The following CSNK1G1 variants were observed in gnomAD, a reference collection of about 807,000 sequenced individuals.
CSNK1G1 encodes the protein casein kinase 1 gamma 1.
A neutral mutation model predicts 59.6 loss-of-function variants in CSNK1G1; 22 were observed. That is an observed-to-expected ratio of 0.37 (90% CI 0.26 to 0.53). The LOEUF is 0.53. CSNK1G1 is among the 20% of genes least tolerant of loss of function. The probability of loss-of-function intolerance (pLI) is 0.89; values close to 1 mark genes in which losing one functional copy is unlikely to be tolerated. For missense variants in CSNK1G1, 384 were observed against 519.5 expected (o/e 0.74, Z 2.54); for synonymous variants, 179 against 177.1 (o/e 1.01, Z -0.08).
At chr15:64,241,793 A>G (rs752972879) in intron 4 of CSNK1G1, among the ~76,000 whole-genome samples, 1 of 151,960 alleles carries the variant, frequency 6.6e-6, no homozygotes, top group Non-Finnish European at 1.5e-5. Flanking sequence ...AATGATGCAT[A>G]TCAAGAAACT....
At chr15:64,323,445 A>C (rs1020850118) in intron 1 of CSNK1G1, among the ~76,000 whole-genome samples, 1 of 151,758 alleles carries the variant, frequency 6.6e-6, no homozygotes, top group African/African-American at 2.4e-5. Flanking sequence ...GGCTCACTGC[A>C]ACCTCTGCCT....
chr15:64,235,877 G>A (rs62021594), intron 4 of CSNK1G1, among the ~76,000 whole-genome samples: 5,140 of 152,094 alleles, frequency 0.034, 251 homozygotes, highest in African/African-American at 0.11. Flanking sequence ...ACGGTTAAGG[G>A]AAGAAAGAGA....
At position 64,203,695 on chromosome 15, in the gene CSNK1G1, A is replaced by T. The variant is rs1316933001; in HGVS notation, c.1000-506T>A. ...CTGGGCAACAAGAGTGAAACTCCGT[A>T]AAAAAAAAAAAAAAAAAAAAAAAAA... On this transcript the variant is annotated intron_variant, in intron 9 of 11. Coordinates refer to ENST00000303052, the MANE Select transcript of CSNK1G1 (RefSeq NM_022048.5). Among the ~76,000 whole-genome samples the T allele has an allele frequency of 3.8e-5, 3 of 78,632 alleles. No individual in the cohort carries two copies. In the South Asian group the frequency reaches 1.3e-3, roughly 34 times the overall value. 51.6% of individuals were successfully genotyped at this position (78,632 alleles called of 152,430 possible).
At chr15:64,294,735 AC>A (rs1192367427) in intron 2 of CSNK1G1, among the ~76,000 whole-genome samples, 1 of 150,942 alleles carries the variant, frequency 6.6e-6, no homozygotes, top group Non-Finnish European at 1.5e-5. Context: ...ACATGGTGAA[AC>A]CCCGTCTCTA....
chr15:64,265,871 G>A, intron 2 of CSNK1G1: 1 of 454,850 alleles, frequency 2.2e-6, no homozygotes, highest in Non-Finnish European at 4.4e-6. Context: ...ATCATTTCAG[G>A]CCAGGAGTTT....
At chr15:64,249,168 A>G (rs1326322562) in intron 4 of CSNK1G1, among the ~76,000 whole-genome samples, 1 of 152,270 alleles carries the variant, frequency 6.6e-6, no homozygotes, top group Non-Finnish European at 1.5e-5. Context: ...CTTGGGCCTA[A>G]TATGAAGAAC....
chr15:64,229,890 G>T (rs1312555150), intron 4 of CSNK1G1, among the ~76,000 whole-genome samples: 1 of 98,376 alleles, frequency 1.0e-5, no homozygotes, highest in Non-Finnish European at 2.2e-5. Context: ...ATATTTTTGG[G>T]CATGTTTGTA....
intron 1 of CSNK1G1, among the ~76,000 whole-genome samples, chr15:64,344,519 C>G (rs1472805141): frequency 6.6e-6 from 1 of 152,158 alleles, no homozygotes; most frequent in Non-Finnish European, 1.5e-5. Flanking sequence ...TGGCTGATTT[C>G]TATCTGGAAC....
chr15:64,189,957 T>C (rs1334630698), intron 10 of CSNK1G1, among the ~76,000 whole-genome samples: 1 of 152,040 alleles, frequency 6.6e-6, no homozygotes, highest in Non-Finnish European at 1.5e-5. Flanking sequence ...TAGTTGGGAC[T>C]ACAGGCGCGC....
intron 4 of CSNK1G1, among the ~76,000 whole-genome samples, chr15:64,245,211 C>A (rs920321223): frequency 2.6e-5 from 4 of 152,036 alleles, no homozygotes; most frequent in Admixed American, 6.6e-5. Context: ...TCAGGTAAGA[C>A]CTCAAAAACA....
chr15:64,341,343 T>C lies in CSNK1G1; in HGVS notation c.-225+14645A>G, dbSNP rs144908587. On this transcript the variant is annotated intron_variant, in intron 1 of 11. Transcript: ENST00000303052. ...TTAGTAGAGCCGGGGTTTCACTACA[T>C]TGGCCAGGATGGTCTCAATCTCCTG... Among the ~76,000 whole-genome samples, 6 of 152,222 alleles carry C rather than the reference T, an allele frequency of 3.9e-5. No homozygotes were observed. In the East Asian group the frequency reaches 1.2e-3, roughly 29 times the overall value.
chr15:64,275,369 G>GTTAC (rs1271801798), intron 2 of CSNK1G1, among the ~76,000 whole-genome samples: 2 of 152,066 alleles, frequency 1.3e-5, no homozygotes, highest in Non-Finnish European at 2.9e-5. Flanking sequence ...GTATGATTAG[G>GTTAC]GGTAAGAAGA....
At chr15:64,346,520 C>T (rs904191057) in intron 1 of CSNK1G1, among the ~76,000 whole-genome samples, 2 of 151,636 alleles carry the variant, frequency 1.3e-5, no homozygotes, top group East Asian at 1.9e-4. Context: ...TACAATGGTG[C>T]GATCTCAGCT....
rs753173985 is a variant in CSNK1G1 at position 64,210,495 on chromosome 15, T to TTCC, written c.680-2904_680-2902dup. On this transcript the variant is annotated intron_variant, in intron 6 of 11. Coordinates refer to ENST00000303052, the MANE Select transcript of CSNK1G1 (RefSeq NM_022048.5). This position sits in a 1 kb window ranked among gnomAD's most constrained non-coding sequence, Gnocchi z 4.2. ...ATTTTCATTTTCAAAGAAGAAAGGT[T>TTCC]TCCAATACCAGTGAGACCAGCAGGA... Among the ~76,000 whole-genome samples, 62 of 152,162 alleles carry TTCC rather than the reference T, an allele frequency of 4.1e-4. No homozygotes were observed. The highest frequency in any genetic ancestry group is 6.0e-4 in the Non-Finnish European group (41 of 68,034).
chr15:64,307,782 G>A (rs1213902604), intron 1 of CSNK1G1, among the ~76,000 whole-genome samples: 2 of 152,164 alleles, frequency 1.3e-5, no homozygotes, highest in African/African-American at 4.8e-5. Flanking sequence ...CGTCTCCCGG[G>A]TTCACGCCAT....
intron 1 of CSNK1G1, among the ~76,000 whole-genome samples, chr15:64,343,071 G>A (rs916115657): frequency 6.6e-6 from 1 of 152,128 alleles, no homozygotes; most frequent in East Asian, 1.9e-4. Flanking sequence ...AATTAGCGGG[G>A]TGTGGTGGCG....
intron 2 of CSNK1G1, among the ~76,000 whole-genome samples, chr15:64,289,684 G>A (rs1447829747): frequency 6.6e-6 from 1 of 151,968 alleles, no homozygotes; most frequent in Non-Finnish European, 1.5e-5. Context: ...GCATCTAACA[G>A]GAAACTAATA....
chr15:64,340,174 C>T (rs1897611727), intron 1 of CSNK1G1, among the ~76,000 whole-genome samples: 2 of 151,968 alleles, frequency 1.3e-5, no homozygotes, highest in South Asian at 2.1e-4. Flanking sequence ...ATTTTCAGGG[C>T]TACTTTGAAG....
chr15:64,276,660 T>A (rs905826271), intron 2 of CSNK1G1, among the ~76,000 whole-genome samples: 2 of 151,664 alleles, frequency 1.3e-5, no homozygotes, highest in Non-Finnish European at 2.9e-5. Flanking sequence ...AATAAAAGAG[T>A]TGAGGCTGGG....
Sources: gnomAD v4.1 joint callset for allele counts (sites outside exome capture counted in the v4.1 genomes callset) on GRCh38, gnomAD v4.1.1 for gene constraint, Gnocchi (gnomAD v3.1) non-coding constraint, MANE v1.5 for transcripts, NCBI Gene and HGNC (gene_info 2026-07-23, HGNC 2026-07-21) for gene names.